The following SYNE1 variants were observed in gnomAD, a reference collection of about 807,000 sequenced individuals.
The protein encoded by SYNE1 is nesprin-1.
A neutral mutation model predicts 1,111.0 loss-of-function variants in SYNE1; 616 were observed. The ratio of observed to expected loss-of-function variants is 0.55; its 90% CI spans 0.52 to 0.59. The LOEUF is 0.59. SYNE1 is among the 20% of genes least tolerant of loss of function. The pLI, the probability that SYNE1 is intolerant of heterozygous loss-of-function variation, is 0.00. For missense variants in SYNE1, 10,006 were observed against 10,417.0 expected, an observed-to-expected ratio of 0.96 and a Z score of 1.72; for synonymous variants, 3,855 against 3,825.8, an observed-to-expected ratio of 1.01 and a Z score of -0.28.
In SYNE1 at chr6:152,569,361, C is replaced by T. The variant is rs527426101; in HGVS notation, c.68-29340G>A. ...TTATCTAGATTCTCCTTTCAGTTTCCTCATCTGTGAAATGGAGGTAATGAT... is the reference window on the plus strand; with the variant it reads ...TTATCTAGATTCTCCTTTCAGTTTCTTCATCTGTGAAATGGAGGTAATGAT... On this transcript the variant is annotated intron_variant, in intron 3 of 145. Transcript: ENST00000367255. 2.0e-4 allele frequency among the ~76,000 whole-genome samples: 30 copies of T among 152,198 alleles called. No homozygotes were observed. The South Asian group carries it at 6.2e-3, about 32-fold the overall frequency.
At chr6:152,346,862 C>T (rs369112792) in intron 73 of SYNE1, among the ~76,000 whole-genome samples, 197 bp downstream of exon 73, 90 of 151,428 alleles carry the variant, frequency 5.9e-4, no homozygotes, top group African/African-American at 8.2e-4. Context: ...ACTGCTTAGT[C>T]ACATCAATCA....
chr6:152,214,795 T>C (rs2078257285), intron 122 of SYNE1, 111 bp downstream of exon 122: 8 of 1,425,818 alleles, frequency 5.6e-6, no homozygotes, highest in African/African-American at 5.6e-5. Flanking sequence ...ACTGTGAGAC[T>C]GTTCAACATT....
At chr6:152,452,923 T>A (rs1430188383) in intron 25 of SYNE1, among the ~76,000 whole-genome samples, 1 of 152,278 alleles carries the variant, frequency 6.6e-6, no homozygotes, top group African/African-American at 2.4e-5. Flanking sequence ...CTCCCATTTC[T>A]GCTTCTTCTG....
intron 128 of SYNE1, among the ~76,000 whole-genome samples, chr6:152,189,018 T>TATATAA (rs1401917127): frequency 1.0e-5 from 1 of 98,290 alleles, no homozygotes; most frequent in Non-Finnish European, 2.0e-5. Flanking sequence ...TATATATATA[T>TATATAA]AAAATGCCAG....
intron 11 of SYNE1, among the ~76,000 whole-genome samples, chr6:152,494,003 C>T (rs183112982): frequency 1.4e-4 from 21 of 152,298 alleles, no homozygotes; most frequent in Admixed American, 1.2e-3. Context: ...TCATTACACG[C>T]AGCCAAAGTA....
At chr6:152,271,406 C>T (rs949247849) in intron 98 of SYNE1, among the ~76,000 whole-genome samples, 9 of 152,278 alleles carry the variant, frequency 5.9e-5, no homozygotes, top group African/African-American at 2.2e-4. Flanking sequence ...TACTTCCTTT[C>T]CTTTCAGATG....
rs755766308 is a variant in SYNE1, at chr6:152,156,006, G to T, written c.23882C>A (p.Ala7961Asp). The T allele has an allele frequency of 1.7e-5, 28 of 1,614,052 alleles. No homozygotes were observed. The stretch of plus-strand genomic sequence containing the variant: ...TATAGAGTCACACTCGGCATCAGTG[G>T]CACAGGCGTCACAGTCGTGCAGCAG... ...EVLLHDCDAC[A>D]TDAECDSIQQ... The change falls in exon 132 of 146, where the codon GCC (alanine) becomes GAC (aspartate). Residue 7961 changes from alanine (A) to aspartate (D), a missense_variant. Transcript: ENST00000367255.
chr6:152,155,149 G>T lies in SYNE1; in HGVS notation c.23979-107C>A. The T allele has an allele frequency of 2.9e-6, 4 of 1,389,532 alleles. No individual in the cohort carries two copies. The South Asian group carries it at 4.7e-5, about 16-fold the overall frequency. The allele number at this position is 1,389,532 out of a possible 1,614,324, so 86.1% of individuals were successfully genotyped here. On this transcript the variant is annotated intron_variant, in intron 132 of 145. Coordinates refer to ENST00000367255, the MANE Select transcript of SYNE1 (RefSeq NM_182961.4). The stretch of plus-strand genomic sequence containing the variant: ...ATTAAGGGTGCCCACAGAGGCAACT[G>T]TTGTGCCAAACGATAACCATTCCTC...
chr6:152,415,557 A>G (rs1388911195), intron 41 of SYNE1, among the ~76,000 whole-genome samples: 2 of 152,168 alleles, frequency 1.3e-5, no homozygotes, highest in Non-Finnish European at 2.9e-5. Context: ...GCCACCAAGG[A>G]GGAATTTCCT....
chr6:152,527,198 CA>C (rs2099167630), intron 4 of SYNE1, among the ~76,000 whole-genome samples: 1 of 152,222 alleles, frequency 6.6e-6, no homozygotes, highest in South Asian at 2.1e-4. Flanking sequence ...GATTTAACTC[CA>C]AATGTTTGGT....
At chr6:152,300,825 C>G (rs753446178) in intron 92 of SYNE1, 44 bp from the exon 93 acceptor site, 1 of 1,613,914 alleles carries the variant, frequency 6.2e-7, no homozygotes, top group Non-Finnish European at 8.5e-7. Context: ...AATCAATTAG[C>G]TATGTTAACA....
At chr6:152,590,374 TC>T (rs982141635) in intron 3 of SYNE1, among the ~76,000 whole-genome samples, 8 of 151,840 alleles carry the variant, frequency 5.3e-5, no homozygotes, top group African/African-American at 1.9e-4. Flanking sequence ...CATTTTTTTT[TC>T]TGGAATATTC....
At position 152,441,180 on chromosome 6, in the gene SYNE1, A is replaced by G. The variant is rs1254765551; in HGVS notation, c.4099T>C (p.Leu1367=). Residue 1367 remains leucine, a synonymous_variant, in exon 32 of 146, where the codon TTG becomes CTG. Transcript: ENST00000367255. The stretch of plus-strand genomic sequence containing the variant: ...AAACTTTCCAAACTGCTAAAACTCA[A>G]GAAGCGTTCATGACTGGAACCTGTT... ...FQTGSSHERF[L]SFSSLESLSS... 6.2e-7 allele frequency: 1 copy of G among 1,613,722 alleles called. No individual in the cohort carries two copies. Among genetic ancestry groups the G allele is most frequent in the East Asian group, 2.2e-5 (1 of 44,784 alleles).
rs143370435 is a variant in SYNE1 at position 152,537,702 on chromosome 6, C to T, written c.129+2258G>A. On this transcript the variant is annotated intron_variant, in intron 4 of 145. Coordinates refer to ENST00000367255, the MANE Select transcript of SYNE1 (RefSeq NM_182961.4). ...TAAAAAGTGCCCCTAGATATACAAT[C>T]GTGTCATCTGCAAACAGGAACAATT... 2.0e-3 allele frequency among the ~76,000 whole-genome samples: 302 copies of T among 152,248 alleles called. 2 individuals are homozygous for T. The highest frequency in any genetic ancestry group is 6.8e-3 in the Middle Eastern group (2 of 294).
At position 152,213,504 on chromosome 6, in the gene SYNE1, G is replaced by C. The variant is rs562507109; in HGVS notation, c.22494+108C>G. The C allele has an allele frequency of 2.4e-6, 3 of 1,249,320 alleles. No individual in the cohort carries two copies. In the South Asian group the frequency reaches 3.6e-5, roughly 15 times the overall value. 77.4% of individuals were successfully genotyped at this position (1,249,320 alleles called of 1,614,324 possible). ...GAAGGCAAAATGATGCATGCATTTA[G>C]ACACTCGTGCAAAGGGCATGATTTT... is the stretch of plus-strand genomic sequence containing the variant. On this transcript the variant is annotated intron_variant, in intron 123 of 145. Transcript: ENST00000367255.
Position 152,465,981 on chromosome 6 carries a change from C to G in SYNE1, c.1729+1G>C. The G allele has an allele frequency of 6.2e-7, 1 of 1,607,732 alleles. No homozygotes were observed. Among genetic ancestry groups the G allele is most frequent in the Non-Finnish European group, 8.5e-7 (1 of 1,174,520 alleles). On this transcript the variant is annotated splice_donor_variant, in intron 17 of 145. Coordinates refer to ENST00000367255, the MANE Select transcript of SYNE1 (RefSeq NM_182961.4). LOFTEE classifies it high-confidence loss of function. ...GCAACAAATTCTGTAGTATGTTTTA[C>G]CTGAACCATCTGCTTTGACATACAT...
intron 3 of SYNE1, among the ~76,000 whole-genome samples, chr6:152,621,647 A>G (rs2099675721): frequency 1.3e-5 from 2 of 151,968 alleles, no homozygotes; most frequent in Admixed American, 1.3e-4. Context: ...TAGGTCACTG[A>G]AGACCCTGAA....
chr6:152,214,109 G>T (rs1179565718), intron 122 of SYNE1, among the ~76,000 whole-genome samples: 1 of 150,834 alleles, frequency 6.6e-6, no homozygotes, highest in Admixed American at 6.6e-5. Flanking sequence ...GCTGAGACAG[G>T]AGAATTGCTT....
At chr6:152,162,508 G>A (rs547594129) in intron 131 of SYNE1, among the ~76,000 whole-genome samples, 17 of 152,150 alleles carry the variant, frequency 1.1e-4, no homozygotes, top group African/African-American at 2.2e-4. Flanking sequence ...TACGATACCC[G>A]CCATTTGCAT....
Sources: gnomAD v4.1 joint callset for allele counts (sites outside exome capture counted in the v4.1 genomes callset) on GRCh38, gnomAD v4.1.1 for gene constraint, MANE v1.5 for transcripts, NCBI Gene and HGNC (gene_info 2026-07-23, HGNC 2026-07-21) for gene names.